The following ACER2 variants were observed in gnomAD, a reference collection of about 807,000 sequenced individuals.
ACER2 encodes alkCDase 2.
A neutral mutation model predicts 34.7 loss-of-function variants in ACER2; 26 were observed. That is an observed-to-expected ratio of 0.75 (90% CI 0.55 to 1.04). The LOEUF (loss-of-function observed/expected upper bound fraction) is 1.04, where lower values mean the gene tolerates loss of function less well. ACER2 is among the 50% of genes least tolerant of loss of function. The pLI is 0.00. For synonymous variants in ACER2, 138 were observed against 132.1 expected (o/e 1.04, Z -0.31); for missense variants, 352 against 340.8 (o/e 1.03, Z -0.26).
At chr9:19,418,409 G>T (rs1447755109) in intron 1 of ACER2, among the ~76,000 whole-genome samples, 1 of 152,170 alleles carries the variant, frequency 6.6e-6, no homozygotes, top group African/African-American at 2.4e-5. Context: ...TATGTTTATT[G>T]CAGCACTGTT....
chr9:19,419,038 A>G (rs1210923663), intron 1 of ACER2, among the ~76,000 whole-genome samples: 1 of 152,062 alleles, frequency 6.6e-6, no homozygotes, highest in Non-Finnish European at 1.5e-5. Context: ...AAAATAGAAA[A>G]AAATTAGCTG....
intron 4 of ACER2, among the ~76,000 whole-genome samples, chr9:19,436,866 A>G (rs921391450): frequency 3.3e-5 from 5 of 152,112 alleles, no homozygotes; most frequent in African/African-American, 1.2e-4. Flanking sequence ...ATGGCCTTCT[A>G]CTTCCAAATA....
chr9:19,431,637 G>A (rs7022115), intron 3 of ACER2, among the ~76,000 whole-genome samples: 3,217 of 152,256 alleles, frequency 0.021, 116 homozygotes, highest in African/African-American at 0.072. Flanking sequence ...TCCAGTAGAC[G>A]AAGAACAGCA....
At chr9:19,447,335 T>C (rs996989784) in intron 5 of ACER2, among the ~76,000 whole-genome samples, 2 of 152,224 alleles carry the variant, frequency 1.3e-5, no homozygotes, top group Admixed American at 1.3e-4. Flanking sequence ...TACAATTTGA[T>C]AGAATTCACT....
chr9:19,424,596 T>G, intron 2 of ACER2, 104 bp from the exon 3 acceptor site: 1 of 1,526,298 alleles, frequency 6.6e-7, no homozygotes, highest in African/African-American at 1.4e-5. Flanking sequence ...GAGAGTGATC[T>G]GGTGACTGTG....
chr9:19,449,932 G>A (rs1422977830), intron 5 of ACER2, among the ~76,000 whole-genome samples: 1 of 150,580 alleles, frequency 6.6e-6, no homozygotes. Flanking sequence ...CTTTTAAATG[G>A]TCTATTGTTC....
chr9:19,436,392 T>C (rs193182136), intron 4 of ACER2, among the ~76,000 whole-genome samples: 194 of 152,342 alleles, frequency 1.3e-3, no homozygotes, highest in Middle Eastern at 6.8e-3. Flanking sequence ...CTGTCACTTA[T>C]TCAGGAAAAT....
intron 1 of ACER2, among the ~76,000 whole-genome samples, chr9:19,416,789 T>TC (rs773564838): frequency 2.6e-5 from 4 of 152,084 alleles, no homozygotes; most frequent in Non-Finnish European, 5.9e-5. Flanking sequence ...TGCCTCAGCC[T>TC]CCCAAAATGC....
rs577696945 is a variant in ACER2 at position 19,441,584 on chromosome 9, C to T, written c.504-4697C>T. On this transcript the variant is annotated intron_variant, in intron 4 of 5. Transcript: ENST00000340967. Reference sequence around the variant, plus strand: ...CCCTCTTGCTTGGCTAACTTATACTCATCCTTCAGTTTGGGCTGAGCTATT... The same window carrying T: ...CCCTCTTGCTTGGCTAACTTATACTTATCCTTCAGTTTGGGCTGAGCTATT... Among the ~76,000 whole-genome samples, 4 of 152,256 alleles carry T rather than the reference C, an allele frequency of 2.6e-5. No individual in the cohort carries two copies. In the South Asian group the frequency reaches 6.2e-4, roughly 24 times the overall value.
rs1308465838 is a variant in ACER2 at position 19,446,272 on chromosome 9, C to T, written c.504-9C>T. 1.9e-6 allele frequency: 3 copies of T among 1,613,994 alleles called. No homozygotes were observed. The highest frequency in any genetic ancestry group is 2.5e-6 in the Non-Finnish European group (3 of 1,180,040). On this transcript the variant is annotated splice_polypyrimidine_tract_variant and intron_variant, in intron 4 of 5. Transcript: ENST00000340967. ...CTGACGATGAGTGACTCTCTGGACC[C>T]CCGTGCAGGTGTGACAACATGCGTG...
chr9:19,429,846 C>CT (rs1830693269), intron 3 of ACER2, among the ~76,000 whole-genome samples: 1 of 152,134 alleles, frequency 6.6e-6, no homozygotes, highest in African/African-American at 2.4e-5. Flanking sequence ...AAGTAGCTCT[C>CT]TGAGGTCCGT....
intron 1 of ACER2, among the ~76,000 whole-genome samples, chr9:19,412,307 T>C (rs1830108804): frequency 6.6e-6 from 1 of 152,220 alleles, no homozygotes; most frequent in Non-Finnish European, 1.5e-5. Flanking sequence ...TGTATCTTTC[T>C]AGATATTTTC....
chr9:19,435,933 C>T (rs1830951687), intron 4 of ACER2, among the ~76,000 whole-genome samples: 1 of 152,024 alleles, frequency 6.6e-6, no homozygotes, highest in South Asian at 2.1e-4. Context: ...CCTGTAGTCC[C>T]AGCTACTTGG....
chr9:19,424,684 T>C lies in ACER2; in HGVS notation c.224-16T>C. On this transcript the variant is annotated splice_polypyrimidine_tract_variant and intron_variant, in intron 2 of 5. Transcript: ENST00000340967. ...TTCTGTGGTGACCTTTTTTTATTGGTTGTAATTGATTCTAGGAATTGGATC... is the reference window on the plus strand; with the variant it reads ...TTCTGTGGTGACCTTTTTTTATTGGCTGTAATTGATTCTAGGAATTGGATC... 1 of 1,612,530 alleles carries C rather than the reference T, an allele frequency of 6.2e-7. No homozygotes were observed. The highest frequency in any genetic ancestry group is 8.5e-7 in the Non-Finnish European group (1 of 1,179,954).
chr9:19,433,901 G>C (rs1589053500), intron 3 of ACER2, among the ~76,000 whole-genome samples: 1 of 151,752 alleles, frequency 6.6e-6, no homozygotes, highest in African/African-American at 2.4e-5. Flanking sequence ...GCGGCTGGCC[G>C]GGTAGGGGGC....
chr9:19,443,621 G>T (rs1332465231), intron 4 of ACER2, among the ~76,000 whole-genome samples: 1 of 152,216 alleles, frequency 6.6e-6, no homozygotes, highest in African/African-American at 2.4e-5. Context: ...GAATAAAACA[G>T]GGGTAGTTCC....
Position 19,423,974 on chromosome 9 carries a change from T to C in ACER2, c.221T>C (p.Val74Ala). 1 of 1,609,536 alleles carries C rather than the reference T, an allele frequency of 6.2e-7. No individual in the cohort carries two copies. The highest frequency in any genetic ancestry group is 8.5e-7 in the Non-Finnish European group (1 of 1,175,862). ...TTAATCTGGACTCTTTTGGTTGTAG[T>C]GGGTAAGTGGAGTCATTTGGGAACA... Reference protein sequence around the residue: ...IYLIWTLLVVVGIGSVYFHAT... With the variant: ...IYLIWTLLVVAGIGSVYFHAT... Residue 74 changes from valine (V) to alanine (A), a missense_variant and splice_region_variant, in exon 2 of 6, where the codon GTG becomes GCG. Physicochemically the swap from Val to Ala is moderately conservative, Grantham distance 64 (BLOSUM62 0). Transcript: ENST00000340967.
intron 4 of ACER2, among the ~76,000 whole-genome samples, chr9:19,437,464 C>T (rs1426201426): frequency 6.6e-6 from 1 of 152,120 alleles, no homozygotes; most frequent in African/African-American, 2.4e-5. Flanking sequence ...ATCCATTGCT[C>T]CACCCTCACA....
At chr9:19,415,186 T>A (rs1433669445) in intron 1 of ACER2, among the ~76,000 whole-genome samples, 1 of 152,136 alleles carries the variant, frequency 6.6e-6, no homozygotes, top group African/African-American at 2.4e-5. Context: ...GCTTCTAATA[T>A]GCACATTTAA....
Sources: allele counts gnomAD v4.1 joint callset (sites outside exome capture counted in the v4.1 genomes callset), GRCh38; gene constraint gnomAD v4.1.1; transcripts MANE v1.5; gene names NCBI Gene and HGNC (gene_info 2026-07-23, HGNC 2026-07-21).